Variants in GPR39 observed in about 807,000 individuals in gnomAD.
GPR39 encodes the protein G protein-coupled receptor 39.
In GPR39, 23 loss-of-function variants were observed where a neutral mutation model predicts 18.4. The observed-to-expected ratio is 1.25, with a 90% CI of 0.90 to 1.77. The LOEUF (loss-of-function observed/expected upper bound fraction) is 1.77, where lower values mean the gene tolerates loss of function less well. Among genes scored for constraint, GPR39 ranks in the 40% most tolerant of loss-of-function variants. The probability of loss-of-function intolerance (pLI) is 0.00; values close to 1 mark genes in which losing one functional copy is unlikely to be tolerated. For synonymous variants in GPR39, 280 were observed against 257.9 expected (o/e 1.09, Z -0.82); for missense variants, 647 against 602.4 (o/e 1.07, Z -0.78).
intron 1 of GPR39, among the ~76,000 whole-genome samples, chr2:132,606,752 TG>T (rs1392300605): frequency 6.6e-6 from 1 of 151,990 alleles, no homozygotes; most frequent in Non-Finnish European, 1.5e-5. Context: ...TTTTATTGAG[TG>T]GTTGAAGGTG....
At chr2:132,574,171 T>TG (rs2104817017) in intron 1 of GPR39, among the ~76,000 whole-genome samples, 1 of 152,374 alleles carries the variant, frequency 6.6e-6, no homozygotes, top group South Asian at 2.1e-4. Flanking sequence ...TCCAATGTCT[T>TG]GTCATTGTAA....
chr2:132,492,700 A>ATAATATATATACACACCATATATATG (rs1558814554), intron 1 of GPR39, among the ~76,000 whole-genome samples: 1 of 142,472 alleles, frequency 7.0e-6, no homozygotes, highest in African/African-American at 2.6e-5. Flanking sequence ...CCATATATAT[A>ATAATATATATACACACCATATATATG]TAATATATAT....
intron 1 of GPR39, among the ~76,000 whole-genome samples, chr2:132,487,804 T>C (rs189560646): frequency 1.2e-3 from 188 of 151,974 alleles, no homozygotes; most frequent in African/African-American, 4.1e-3. Flanking sequence ...AATGAGAAAG[T>C]TTACAGATAT....
intron 1 of GPR39, among the ~76,000 whole-genome samples, chr2:132,565,396 C>CTTTT (rs67095358): frequency 1.8e-4 from 25 of 138,020 alleles, no homozygotes; most frequent in African/African-American, 5.1e-4. Context: ...GATGAGTTTC[C>CTTTT]TTTTTTTTTT....
intron 1 of GPR39, among the ~76,000 whole-genome samples, chr2:132,571,862 G>C (rs939640478): frequency 2.0e-5 from 3 of 152,200 alleles, no homozygotes; most frequent in Non-Finnish European, 4.4e-5. Context: ...AGTGCTAGTG[G>C]AGCCCAGATG....
At chr2:132,554,578 G>T (rs1335182523) in intron 1 of GPR39, among the ~76,000 whole-genome samples, 4 of 152,170 alleles carry the variant, frequency 2.6e-5, no homozygotes, top group Non-Finnish European at 4.4e-5. Flanking sequence ...GTGCAGCCCT[G>T]GGTCCCCAGC....
intron 1 of GPR39, among the ~76,000 whole-genome samples, chr2:132,454,892 A>G (rs9753241): frequency 0.28 from 42,506 of 152,102 alleles, 6,063 homozygotes; most frequent in Middle Eastern, 0.39. Flanking sequence ...CCAGTATTAT[A>G]TTGAGGATTT....
chr2:132,559,871 G>A (rs1351274118), intron 1 of GPR39, among the ~76,000 whole-genome samples: 1 of 152,036 alleles, frequency 6.6e-6, no homozygotes, highest in Non-Finnish European at 1.5e-5. Flanking sequence ...CAAGTTCCTG[G>A]GTGATGCCAT....
At chr2:132,423,832 T>C (rs1680064950) in intron 1 of GPR39, among the ~76,000 whole-genome samples, 1 of 152,240 alleles carries the variant, frequency 6.6e-6, no homozygotes, top group South Asian at 2.1e-4. Flanking sequence ...CTCAACACTG[T>C]ACCTCATTCC....
intron 1 of GPR39, among the ~76,000 whole-genome samples, chr2:132,536,390 C>T (rs1679757910): frequency 6.6e-6 from 1 of 152,150 alleles, no homozygotes; most frequent in African/African-American, 2.4e-5. Context: ...GAGTGAGTTT[C>T]TTAATCCTGA....
At chr2:132,639,012 G>A (rs186226254) in intron 1 of GPR39, among the ~76,000 whole-genome samples, 1 of 152,238 alleles carries the variant, frequency 6.6e-6, no homozygotes, top group East Asian at 1.9e-4. Context: ...TTTCCAGGCT[G>A]ACTCTTACTC....
intron 1 of GPR39, among the ~76,000 whole-genome samples, chr2:132,579,521 A>G (rs1370463861): frequency 1.3e-5 from 2 of 152,068 alleles, no homozygotes. Flanking sequence ...TGATGTTATG[A>G]CTAGTTCTAC....
rs370378811 is a variant in GPR39, at chr2:132,557,164, C to A, written c.857-87937C>A. Among the ~76,000 whole-genome samples, 13 of 152,162 alleles carry A rather than the reference C, an allele frequency of 8.5e-5. No individual in the cohort carries two copies. The East Asian group carries it at 2.3e-3, about 27-fold the overall frequency. ...TGAAACCCCATCTCTACTAAAAATA[C>A]AAAAATTAGCTGGGCATATTGGTGG... On this transcript the variant is annotated intron_variant, in intron 1 of 1. Coordinates refer to ENST00000329321, the MANE Select transcript of GPR39 (RefSeq NM_001508.3).
intron 1 of GPR39, among the ~76,000 whole-genome samples, chr2:132,641,533 T>C (rs1259243960): frequency 6.6e-6 from 1 of 152,198 alleles, no homozygotes; most frequent in Non-Finnish European, 1.5e-5. Context: ...CATGTGTCTC[T>C]TCCCAACTGA....
chr2:132,450,597 T>C (rs1332238609), intron 1 of GPR39, among the ~76,000 whole-genome samples: 1 of 152,240 alleles, frequency 6.6e-6, no homozygotes, highest in East Asian at 1.9e-4. Flanking sequence ...CTTTCTTTCC[T>C]GCTTCCTTCA....
chr2:132,591,287 A>AAAAAC (rs1680838494), intron 1 of GPR39, among the ~76,000 whole-genome samples: 1 of 147,500 alleles, frequency 6.8e-6, no homozygotes, highest in African/African-American at 2.5e-5. Context: ...ACAAAAAAAA[A>AAAAAC]CAGAGGAACA....
chr2:132,471,597 C>T lies in GPR39; in HGVS notation c.856+53699C>T, dbSNP rs1400853157. Among the ~76,000 whole-genome samples the T allele has an allele frequency of 2.0e-5, 3 of 151,954 alleles. No homozygotes were observed. The East Asian group carries it at 5.8e-4, about 29-fold the overall frequency. On this transcript the variant is annotated intron_variant, in intron 1 of 1. Coordinates refer to ENST00000329321, the MANE Select transcript of GPR39 (RefSeq NM_001508.3). The stretch of plus-strand genomic sequence containing the variant: ...TGGGAACACAGTGTCACATGTCAGC[C>T]ACTGGTTTATCACCTACACCACATC...
intron 1 of GPR39, among the ~76,000 whole-genome samples, chr2:132,627,616 G>A (rs1681575743): frequency 6.6e-6 from 1 of 152,170 alleles, no homozygotes; most frequent in Non-Finnish European, 1.5e-5. Context: ...AGAGTTGCAT[G>A]CTAGCAAATA....
chr2:132,501,054 G>GTTTTTTTTTTTTTTTTTTTGTTTTTGT (rs1679022477), intron 1 of GPR39, among the ~76,000 whole-genome samples: 2 of 90,292 alleles, frequency 2.2e-5, no homozygotes, highest in East Asian at 8.5e-4. Flanking sequence ...TATCTTTTGT[G>GTTTTTTTTTTTTTTTTTTTGTTTTTGT]TTTTTTTTTT....
Sources: allele counts gnomAD v4.1 joint callset (sites outside exome capture counted in the v4.1 genomes callset), GRCh38; gene constraint gnomAD v4.1.1; transcripts MANE v1.5; gene names NCBI Gene and HGNC (gene_info 2026-07-23, HGNC 2026-07-21).